Variants in RPGRIP1 observed in about 807,000 individuals in gnomAD.
RPGRIP1 encodes the protein X-linked retinitis pigmentosa GTPase regulator-interacting protein 1.
A neutral mutation model predicts 157.9 loss-of-function variants in RPGRIP1; 128 were observed. That is an observed-to-expected ratio of 0.81 (90% CI 0.70 to 0.94). The LOEUF is 0.94. Ranked by LOEUF, RPGRIP1 falls within the 40% of genes least tolerant of loss-of-function variation. The probability of loss-of-function intolerance (pLI) is 0.00; values close to 1 mark genes in which losing one functional copy is unlikely to be tolerated. For missense variants in RPGRIP1, 1,486 were observed against 1,545.8 expected (o/e 0.96, Z 0.65); for synonymous variants, 554 against 571.6 (o/e 0.97, Z 0.44).
rs1047316095 is a variant in RPGRIP1, at chr14:21,343,057, G to T, written c.3361G>T (p.Glu1121Ter). ...PKADSEKMCI[E>*]IVSLAFYPEA... is the part of the protein sequence containing the mutation. ...TCAGGATTCAGAGAAGATGTGCATT[G>T]AAATTGTCTCCCTGGCCTTCTACCC... Residue 1121 changes from glutamate to a stop codon, truncating the protein, a stop_gained, in exon 22 of 25, where the codon GAA (glutamate) becomes TAA (stop). Coordinates refer to ENST00000400017, the MANE Select transcript of RPGRIP1 (RefSeq NM_020366.4). LOFTEE classifies it high-confidence loss of function. 2.5e-6 allele frequency: 4 copies of T among 1,612,608 alleles called. No homozygotes were observed. Among genetic ancestry groups the T allele is most frequent in the Non-Finnish European group, 3.4e-6 (4 of 1,179,234 alleles).
intron 19 of RPGRIP1, among the ~76,000 whole-genome samples, chr14:21,328,932 T>G (rs1883408423): frequency 1.3e-5 from 2 of 151,814 alleles, no homozygotes; most frequent in African/African-American, 4.8e-5. Context: ...TCACCTGAGG[T>G]CAGGAGTTCG....
intron 4 of RPGRIP1, among the ~76,000 whole-genome samples, chr14:21,301,694 AT>A (rs1377952285): frequency 9.7e-6 from 1 of 103,592 alleles, no homozygotes; most frequent in Non-Finnish European, 1.9e-5. Context: ...AATAATAATA[AT>A]AATAATAATA....
rs749098397 is a variant in RPGRIP1 at position 21,317,744 on chromosome 14, G to A, written c.1200G>A (p.Glu400=). 6.3e-6 allele frequency: 10 copies of A among 1,592,256 alleles called. No homozygotes were observed. The highest frequency in any genetic ancestry group is 1.7e-4 in the Middle Eastern group (1 of 6,034). ...DSSSQPHWSN[E]LIAEQLQQQV... is the part of the protein sequence containing the mutation. Reference sequence around the variant, plus strand: ...CCAGTCAGCCCCACTGGAGCAACGAGCTCATAGCGGAACAGCTACAGCAGC... The same window carrying A: ...CCAGTCAGCCCCACTGGAGCAACGAACTCATAGCGGAACAGCTACAGCAGC... Residue 400 remains glutamate, a synonymous_variant, in exon 11 of 25, where the codon GAG becomes GAA. Transcript: ENST00000400017.
chr14:21,331,050 C>A (rs1268171061), intron 20 of RPGRIP1, among the ~76,000 whole-genome samples: 1 of 151,768 alleles, frequency 6.6e-6, no homozygotes, highest in Non-Finnish European at 1.5e-5. Context: ...GCTGGGATTA[C>A]AGGTATGTGC....
At chr14:21,313,719 C>T (rs55785076) in intron 10 of RPGRIP1, among the ~76,000 whole-genome samples, 1 of 149,612 alleles carries the variant, frequency 6.7e-6, no homozygotes, top group Non-Finnish European at 1.5e-5. Flanking sequence ...ACCCGGGAGG[C>T]GGAGGTTGCA....
At chr14:21,304,883 G>T (rs1052871735) in intron 6 of RPGRIP1, among the ~76,000 whole-genome samples, 1 of 151,774 alleles carries the variant, frequency 6.6e-6, no homozygotes, top group East Asian at 1.9e-4. Context: ...CTCACTGCAA[G>T]CTCTGCCTCC....
intron 21 of RPGRIP1, among the ~76,000 whole-genome samples, chr14:21,341,906 C>T (rs985120689): frequency 2.6e-5 from 4 of 151,900 alleles, no homozygotes; most frequent in Non-Finnish European, 4.4e-5. Context: ...AAAAATTAGC[C>T]GGGTGTGGTG....
Position 21,345,532 on chromosome 14 carries a change from A to C in RPGRIP1, c.3617+335A>C, listed in dbSNP as rs564906673. Among the ~76,000 whole-genome samples the C allele has an allele frequency of 2.7e-5, 4 of 149,314 alleles. No homozygotes were observed. In the South Asian group the frequency reaches 8.4e-4, roughly 31 times the overall value. Reference sequence around the variant, plus strand: ...ATTCTTGTGCCTCTGCCTCCCAAGTAGCTAGGGTTATAGGCATGTGCCACC... The same window carrying C: ...ATTCTTGTGCCTCTGCCTCCCAAGTCGCTAGGGTTATAGGCATGTGCCACC... On this transcript the variant is annotated intron_variant, in intron 23 of 24. Transcript: ENST00000400017.
At chr14:21,312,360 C>A in intron 9 of RPGRIP1, 73 bp from the exon 10 acceptor site, 2 of 1,036,684 alleles carry the variant, frequency 1.9e-6, no homozygotes, top group East Asian at 2.6e-5. Context: ...CCCCTCCCTG[C>A]CATGGACAGG....
intron 1 of RPGRIP1, among the ~76,000 whole-genome samples, chr14:21,282,027 G>A (rs532408561): frequency 3.3e-5 from 5 of 152,046 alleles, no homozygotes; most frequent in African/African-American, 1.2e-4. Context: ...CCCGGGAAGC[G>A]GAGGTTGCAG....
intron 20 of RPGRIP1, among the ~76,000 whole-genome samples, chr14:21,333,208 A>T (rs1398296281): frequency 1.3e-5 from 2 of 152,242 alleles, no homozygotes; most frequent in African/African-American, 4.8e-5. Flanking sequence ...AGGATGCTGT[A>T]GTTGTTGAAA....
In RPGRIP1 at chr14:21,307,358, ATCT is replaced by A. The variant is rs375126770; in HGVS notation, c.801-368_801-366del. Reference sequence around the variant, plus strand: ...CGTGAGCCACGGTGCCTGGTTCATAATCTTCTTTTTAAGTTTTCTAGCACGTTC... The same window carrying A: ...CGTGAGCCACGGTGCCTGGTTCATAATCTTTTTAAGTTTTCTAGCACGTTC... On this transcript the variant is annotated intron_variant, in intron 6 of 24. Transcript: ENST00000400017. Among the ~76,000 whole-genome samples the A allele has an allele frequency of 2.5e-3, 385 of 152,340 alleles. 2 individuals are homozygous for A. The highest frequency in any genetic ancestry group is 8.5e-3 in the African/African-American group (353 of 41,584).
At chr14:21,315,374 G>T (rs1168395628) in intron 10 of RPGRIP1, among the ~76,000 whole-genome samples, 8 of 151,814 alleles carry the variant, frequency 5.3e-5, no homozygotes. Context: ...AGGCGTGGTG[G>T]CAGGTGCCTG....
At chr14:21,327,116 A>G (rs1883196253) in intron 17 of RPGRIP1, among the ~76,000 whole-genome samples, 1 of 152,176 alleles carries the variant, frequency 6.6e-6, no homozygotes, top group Admixed American at 6.6e-5. Context: ...AACTGCTTAA[A>G]AAAAGGCTGA....
At position 21,324,756 on chromosome 14, in the gene RPGRIP1, A is replaced by G. The variant is rs1882874181; in HGVS notation, c.1901A>G (p.Gln634Arg). Residue 634 changes from glutamine to arginine, a missense_variant, in exon 15 of 25, where the codon CAG becomes CGG. Physicochemically the swap from Gln to Arg is conservative, Grantham distance 43. Transcript: ENST00000400017. ...GENLFELHIH[Q>R]AFLTSAALAQ... ...AATCTTTTTGAACTGCACATCCACC[A>G]GGCCTTCCTGACATCTGCCGCCCTA... 2.5e-6 allele frequency: 4 copies of G among 1,614,060 alleles called. No individual in the cohort carries two copies. The highest frequency in any genetic ancestry group is 3.4e-6 in the Non-Finnish European group (4 of 1,179,904).
At chr14:21,325,126 C>T (rs1594213662) in intron 15 of RPGRIP1, 56 bp downstream of exon 15, 1 of 1,545,432 alleles carries the variant, frequency 6.5e-7, no homozygotes, top group South Asian at 1.2e-5. Flanking sequence ...TTTCCCAAAG[C>T]CTACAGTTGC....
chr14:21,302,737 C>A, intron 5 of RPGRIP1, 153 bp downstream of exon 5: 8 of 441,830 alleles, frequency 1.8e-5, no homozygotes, highest in Non-Finnish European at 2.8e-5. Context: ...AACTTCATTG[C>A]TTAAAAGTGG....
At chr14:21,321,748 C>G in intron 13 of RPGRIP1, 106 bp from the exon 14 acceptor site, 1 of 1,121,160 alleles carries the variant, frequency 8.9e-7, no homozygotes, top group African/African-American at 1.6e-5. Context: ...GGTGAACCTG[C>G]CCAGCTAAGG....
chr14:21,291,971 G>A (rs1057049212), intron 2 of RPGRIP1, among the ~76,000 whole-genome samples: 8 of 151,914 alleles, frequency 5.3e-5, no homozygotes, highest in South Asian at 2.1e-4. Context: ...TGTTGGTCAC[G>A]CTGGTCTCAA....
Sources: allele counts gnomAD v4.1 joint callset (sites outside exome capture counted in the v4.1 genomes callset), GRCh38; gene constraint gnomAD v4.1.1; transcripts MANE v1.5; gene names NCBI Gene and HGNC (gene_info 2026-07-23, HGNC 2026-07-21).